Variants in CDH12 observed in about 807,000 individuals in gnomAD.
The protein encoded by CDH12 is cadherin-12.
CDH12 carries 41 observed loss-of-function variants against 74.1 expected under a neutral mutation model. The ratio of observed to expected loss-of-function variants is 0.55; its 90% CI spans 0.43 to 0.72. The LOEUF (loss-of-function observed/expected upper bound fraction) is 0.72, where lower values mean the gene tolerates loss of function less well. Ranked by LOEUF, CDH12 falls within the 30% of genes least tolerant of loss-of-function variation. The pLI is 0.00. For synonymous variants in CDH12, 399 were observed against 355.0 expected, an observed-to-expected ratio of 1.12 and a Z score of -1.39; for missense variants, 945 against 977.2, an observed-to-expected ratio of 0.97 and a Z score of 0.44.
At chr5:22,341,319 T>C (rs1299421270) in intron 3 of CDH12, among the ~76,000 whole-genome samples, 1 of 152,086 alleles carries the variant, frequency 6.6e-6, no homozygotes, top group African/African-American at 2.4e-5. Context: ...CCCCTATCTC[T>C]ACAAAAAGAA....
intron 2 of CDH12, among the ~76,000 whole-genome samples, chr5:22,503,435 A>C (rs1019428707): frequency 2.0e-5 from 3 of 152,070 alleles, no homozygotes; most frequent in African/African-American, 7.2e-5. Context: ...TATGGCTTGA[A>C]ATCTATATAT....
intron 6 of CDH12, among the ~76,000 whole-genome samples, chr5:21,943,616 A>G (rs986871145): frequency 6.6e-6 from 1 of 152,204 alleles, no homozygotes; most frequent in African/African-American, 2.4e-5. Context: ...GTAGGAAATA[A>G]GAATGGATTA....
intron 2 of CDH12, among the ~76,000 whole-genome samples, chr5:22,428,206 TACACACACAC>T (rs60523110): frequency 1.4e-4 from 21 of 150,172 alleles, no homozygotes; most frequent in East Asian, 8.0e-4. Context: ...TATATATATA[TACACACACAC>T]ACACACACAC....
chr5:22,710,719 C>A (rs1258643212), intron 1 of CDH12, among the ~76,000 whole-genome samples: 1 of 152,136 alleles, frequency 6.6e-6, no homozygotes, highest in Non-Finnish European at 1.5e-5. Context: ...TAAAAGTCTA[C>A]TTCACAATTA....
intron 6 of CDH12, among the ~76,000 whole-genome samples, chr5:21,855,676 G>A (rs13188975): frequency 1 from 151,087 of 151,592 alleles, 75,300 homozygotes; most frequent in Middle Eastern, 1. Flanking sequence ...ACACATACAC[G>A]TGTACATCCA....
chr5:22,525,279 T>C (rs1737218322), intron 1 of CDH12, among the ~76,000 whole-genome samples: 1 of 152,154 alleles, frequency 6.6e-6, no homozygotes, highest in South Asian at 2.1e-4. Flanking sequence ...TACATGTGCA[T>C]GTGTCTTTAT....
chr5:22,691,957 A>G (rs1742106538), intron 1 of CDH12, among the ~76,000 whole-genome samples: 1 of 152,206 alleles, frequency 6.6e-6, no homozygotes. Flanking sequence ...CTCTCCCATT[A>G]ACATAATTAC....
chr5:22,742,258 G>T lies in CDH12; in HGVS notation c.-523+110800C>A, dbSNP rs139542620. On this transcript the variant is annotated intron_variant, in intron 1 of 14. Transcript: ENST00000382254. ...AGAAAGGAAAGAAAAGAAAAGAAAA[G>T]ACCTTCCAAGAAGAAAAACAAGAAC... 5.4e-4 allele frequency among the ~76,000 whole-genome samples: 82 copies of T among 151,916 alleles called. 1 individual carries two copies. In the East Asian group the frequency reaches 0.015, roughly 29 times the overall value.
intron 6 of CDH12, among the ~76,000 whole-genome samples, chr5:21,956,700 G>A (rs1756115566): frequency 6.6e-6 from 1 of 152,006 alleles, no homozygotes; most frequent in African/African-American, 2.4e-5. Context: ...TCATTTCATA[G>A]ATAGGATATT....
At chr5:21,845,564 T>TC (rs1444668694) in intron 7 of CDH12, among the ~76,000 whole-genome samples, 2 of 151,628 alleles carry the variant, frequency 1.3e-5, no homozygotes, top group Non-Finnish European at 2.9e-5. Flanking sequence ...TCTTTTTTTT[T>TC]TTTTTTTTCA....
chr5:22,197,288 CA>C (rs566843919), intron 4 of CDH12, among the ~76,000 whole-genome samples: 12 of 147,848 alleles, frequency 8.1e-5, no homozygotes, highest in Middle Eastern at 3.5e-3. Context: ...ACTAAAAATA[CA>C]AAAAAAAAAT....
chr5:22,583,132 C>T (rs924203996), intron 1 of CDH12, among the ~76,000 whole-genome samples: 13 of 152,090 alleles, frequency 8.5e-5, no homozygotes, highest in Admixed American at 2.0e-4. Flanking sequence ...GTTTGGTAAA[C>T]GGAAAAGGGG....
intron 14 of CDH12, among the ~76,000 whole-genome samples, chr5:21,753,751 G>A (rs1387255592): frequency 1.3e-5 from 2 of 152,098 alleles, no homozygotes; most frequent in Non-Finnish European, 2.9e-5. Context: ...CTCTGTGGAC[G>A]CTCTGGAAGT....
At chr5:22,262,947 G>A (rs1442775695) in intron 3 of CDH12, among the ~76,000 whole-genome samples, 1 of 151,530 alleles carries the variant, frequency 6.6e-6, no homozygotes, top group African/African-American at 2.4e-5. Flanking sequence ...ATCTGACAAA[G>A]GGCTAATATC....
At chr5:22,304,953 C>A (rs1297234107) in intron 3 of CDH12, among the ~76,000 whole-genome samples, 8 of 152,180 alleles carry the variant, frequency 5.3e-5, no homozygotes, top group Non-Finnish European at 1.5e-5. Flanking sequence ...TTCGAAAATA[C>A]TAGAAGGCCC....
chr5:22,664,366 G>A (rs1487721041), intron 1 of CDH12, among the ~76,000 whole-genome samples: 4 of 152,114 alleles, frequency 2.6e-5, no homozygotes, highest in Non-Finnish European at 2.9e-5. Context: ...GGGGAAGCAA[G>A]GTACCTTTTT....
At chr5:22,168,843 T>G (rs1441035390) in intron 4 of CDH12, among the ~76,000 whole-genome samples, 5 of 148,496 alleles carry the variant, frequency 3.4e-5, no homozygotes, top group Non-Finnish European at 7.5e-5. Flanking sequence ...GCACACACTG[T>G]TCAAATAAAT....
At chr5:22,133,625 C>A (rs1224696346) in intron 4 of CDH12, among the ~76,000 whole-genome samples, 1 of 152,068 alleles carries the variant, frequency 6.6e-6, no homozygotes, top group East Asian at 1.9e-4. Flanking sequence ...ATTGTCAGAA[C>A]CACTGCAATT....
intron 10 of CDH12, among the ~76,000 whole-genome samples, chr5:21,797,880 C>T (rs368531869): frequency 5.4e-4 from 82 of 151,962 alleles, no homozygotes; most frequent in African/African-American, 1.8e-3. Context: ...AATATTTTGG[C>T]CTCATCATTC....
Sources: gnomAD v4.1 joint callset for allele counts (sites outside exome capture counted in the v4.1 genomes callset) on GRCh38, gnomAD v4.1.1 for gene constraint, MANE v1.5 for transcripts, NCBI Gene and HGNC (gene_info 2026-07-23, HGNC 2026-07-21) for gene names.